Variants in DCHS1 observed in about 807,000 individuals in gnomAD.
DCHS1 encodes dachsous cadherin-related 1, also known as protocadherin-16.
DCHS1 carries 78 observed loss-of-function variants against 213.9 expected under a neutral mutation model. That is an observed-to-expected ratio of 0.36 (90% confidence interval 0.30 to 0.44). The LOEUF (loss-of-function observed/expected upper bound fraction) is 0.44. Ranked by LOEUF, DCHS1 falls within the 20% of genes least tolerant of loss-of-function variation. DCHS1 has a pLI of 1.00. For missense variants in DCHS1, 3,946 were observed against 4,395.9 expected (o/e 0.90, Z 2.89); for synonymous variants, 1,828 against 1,873.7 (o/e 0.98, Z 0.63).
At chr11:6,636,408 C>T (rs1333197017) in intron 2 of DCHS1, among the ~76,000 whole-genome samples, 1 of 152,092 alleles carries the variant, frequency 6.6e-6, no homozygotes, top group Non-Finnish European at 1.5e-5. Flanking sequence ...CAGTGTTTCA[C>T]TATGTTGCCC....
rs578238161 is a variant in DCHS1 at position 6,636,424 on chromosome 11, G to A, written c.1798-2118C>T. Among the ~76,000 whole-genome samples the A allele has an allele frequency of 2.0e-5, 3 of 152,108 alleles. No homozygotes were observed. The South Asian group carries it at 6.2e-4, about 32-fold the overall frequency. On this transcript the variant is annotated intron_variant, in intron 2 of 20. Coordinates refer to ENST00000299441, the MANE Select transcript of DCHS1 (RefSeq NM_003737.4). ...AGTGTTTCACTATGTTGCCCAGGCTGGTCTCAAACTCCTGGCCTCAACCAG... is the reference window on the plus strand; with the variant it reads ...AGTGTTTCACTATGTTGCCCAGGCTAGTCTCAAACTCCTGGCCTCAACCAG...
Position 6,630,757 on chromosome 11 carries a change from C to T in DCHS1, c.4037G>A (p.Arg1346Gln). The T allele has an allele frequency of 1.3e-6, 2 of 1,546,260 alleles. No individual in the cohort carries two copies. The highest frequency in any genetic ancestry group is 8.7e-7 in the Non-Finnish European group (1 of 1,147,346). ...CACCGAGCCCAACAGAGAGCCGGGC[C>T]GCAGTCCCTCAGCTGCTGTCACCGT... ...VLTVTAAEGL[R>Q]PGSLLGSVAA... Residue 1346 changes from arginine to glutamine, a missense_variant, in exon 10 of 21, where the codon CGG (arginine) becomes CAG (glutamine). This residue lies in a region of DCHS1 where 3,384 missense variants were observed against 3,780.1 expected (regional missense o/e 0.90). Coordinates refer to ENST00000299441, the MANE Select transcript of DCHS1 (RefSeq NM_003737.4).
At chr11:6,636,904 T>G (rs578226122) in intron 2 of DCHS1, among the ~76,000 whole-genome samples, 8 of 152,326 alleles carry the variant, frequency 5.3e-5, no homozygotes, top group African/African-American at 1.9e-4. Context: ...CACCTCCACC[T>G]GGATGTCCCA....
At chr11:6,642,063 A>G (rs748394319) in intron 1 of DCHS1, among the ~76,000 whole-genome samples, 53 of 152,168 alleles carry the variant, frequency 3.5e-4, no homozygotes, top group Admixed American at 8.5e-4. Flanking sequence ...ATCCAGAACT[A>G]ATACTCGCTT....
chr11:6,641,014 A>C lies in DCHS1; in HGVS notation c.600T>G (p.Asp200Glu). The change falls in exon 2 of 21, where the codon GAT becomes GAG. Residue 200 changes from aspartate (D) to glutamate (E), a missense_variant. Physicochemically the swap from Asp to Glu is conservative, Grantham distance 45 (BLOSUM62 2). This residue lies in a region of DCHS1 where 3,384 missense variants were observed against 3,780.1 expected (regional missense o/e 0.90). Coordinates refer to ENST00000299441, the MANE Select transcript of DCHS1 (RefSeq NM_003737.4). The surrounding 1 kb of genome is among the most constrained non-coding windows in gnomAD (Gnocchi z 7.1). ...CTACCAGCTCAGGTACTGGAGTCCC[A>C]TCTGGACCGGGGCGTGTCTCCAGCC... ...TFRLETRPGPDGTPVPELVVT... is the reference protein window; with the variant it reads ...TFRLETRPGPEGTPVPELVVT... 6.2e-7 allele frequency: 1 copy of C among 1,613,980 alleles called. No individual in the cohort carries two copies. Among genetic ancestry groups the C allele is most frequent in the Non-Finnish European group, 8.5e-7 (1 of 1,179,882 alleles).
Position 6,624,873 on chromosome 11 carries a change from A to T in DCHS1, c.7147-5T>A. 1 of 1,613,716 alleles carries T rather than the reference A, an allele frequency of 6.2e-7. No individual in the cohort carries two copies. Among genetic ancestry groups the T allele is most frequent in the Non-Finnish European group, 8.5e-7 (1 of 1,179,802 alleles). ...TGTGTGCTCAAGCAGCATTACCTGA[A>T]GTGTGAGGAAAAGTGCTTATTGCCA... is the stretch of plus-strand genomic sequence containing the variant. On this transcript the variant is annotated splice_polypyrimidine_tract_variant and splice_region_variant and intron_variant, in intron 19 of 20. Transcript: ENST00000299441.
In DCHS1 at chr11:6,627,016, G is replaced by A; in HGVS notation, c.6023C>T (p.Pro2008Leu). ...GTAAGAGTCCACAGTAGTGCCAGGA[G>A]GTGGTGTGCCTGCCAGCCGGTACAG... ...SILYRLAGTP[P>L]PGTTVDSYTG... The change falls in exon 14 of 21, where the codon CCT becomes CTT. Residue 2008 changes from proline to leucine, a missense_variant. Pro to Leu is a moderately conservative substitution (Grantham distance 98). This residue lies in a region of DCHS1 where 3,384 missense variants were observed against 3,780.1 expected (regional missense o/e 0.90). Transcript: ENST00000299441. This position sits in a 1 kb window ranked among gnomAD's most constrained non-coding sequence, Gnocchi z 5.4. 2.5e-6 allele frequency: 4 copies of A among 1,613,632 alleles called. No individual in the cohort carries two copies. Among genetic ancestry groups the A allele is most frequent in the Non-Finnish European group, 3.4e-6 (4 of 1,179,810 alleles).
rs765145527 is a variant in DCHS1 at position 6,625,559 on chromosome 11, C to T, written c.6862+38G>A. The T allele has an allele frequency of 4.3e-6, 7 of 1,613,256 alleles. No individual in the cohort carries two copies. The highest frequency in any genetic ancestry group is 5.9e-6 in the Non-Finnish European group (7 of 1,179,748). On this transcript the variant is annotated intron_variant, in intron 18 of 20. Coordinates refer to ENST00000299441, the MANE Select transcript of DCHS1 (RefSeq NM_003737.4). This position sits in a 1 kb window ranked among gnomAD's most constrained non-coding sequence, Gnocchi z 5.3. ...CTGCAGGGTGGAGAAAAATGTCTCT[C>T]TGCCACCCTTTATGCCACCCACTTT...
Position 6,622,190 on chromosome 11 carries a change from G to C in DCHS1, c.9486C>G (p.Asn3162Lys). Residue 3162 changes from asparagine to lysine, a missense_variant, in exon 21 of 21, where the codon AAC (asparagine) becomes AAG (lysine). Asn to Lys is a moderately conservative substitution (Grantham distance 94). This residue lies in a region of DCHS1 where 554 missense variants were observed against 590.2 expected (regional missense o/e 0.94). Transcript: ENST00000299441. The surrounding 1 kb of genome is among the most constrained non-coding windows in gnomAD (Gnocchi z 5.4). ...GGCACCAGCTCAGCAGGTAGTCCCA[G>C]TTATAGCTGCCACGGAGCTCCTCCT... ...AGEEELRGSYNWDYLLSWCPQ... is the reference protein window; with the variant it reads ...AGEEELRGSYKWDYLLSWCPQ... 6.2e-7 allele frequency: 1 copy of C among 1,607,344 alleles called. No homozygotes were observed. The highest frequency in any genetic ancestry group is 1.7e-4 in the Middle Eastern group (1 of 6,052).
chr11:6,644,511 C>T (rs1856127396), intron 1 of DCHS1, among the ~76,000 whole-genome samples: 1 of 152,240 alleles, frequency 6.6e-6, no homozygotes, highest in Non-Finnish European at 1.5e-5. Context: ...GCCTATTATA[C>T]ACACTACTGG....
Position 6,628,539 on chromosome 11 carries a change from G to T in DCHS1, c.5371+82C>A. The T allele has an allele frequency of 1.3e-6, 2 of 1,493,180 alleles. No individual in the cohort carries two copies. Among genetic ancestry groups the T allele is most frequent in the Non-Finnish European group, 1.9e-6 (2 of 1,073,698 alleles). 92.5% of individuals were successfully genotyped at this position (1,493,180 alleles called of 1,614,324 possible). ...GAGGGAAAAGGAGACCCAGACACAT[G>T]CACTGAGGCTGACAGCAGCCAAGAA... On this transcript the variant is annotated intron_variant, in intron 13 of 20. Coordinates refer to ENST00000299441, the MANE Select transcript of DCHS1 (RefSeq NM_003737.4). This position sits in a 1 kb window ranked among gnomAD's most constrained non-coding sequence, Gnocchi z 4.3.
At position 6,633,587 on chromosome 11, in the gene DCHS1, G is replaced by T; in HGVS notation, c.2280C>A (p.Ile760=). 6.3e-7 allele frequency: 1 copy of T among 1,596,172 alleles called. No individual in the cohort carries two copies. The highest frequency in any genetic ancestry group is 8.5e-7 in the Non-Finnish European group (1 of 1,171,274). Residue 760 remains isoleucine, a synonymous_variant, in exon 5 of 21, where the codon ATC becomes ATA. Coordinates refer to ENST00000299441, the MANE Select transcript of DCHS1 (RefSeq NM_003737.4). The part of the protein sequence containing the change: ...RRANSVVQLE[I]GAEDGGGLQA... ...GTAGGCCACCTCCGTCCTCAGCCCCGATCTCCAGCTGCACCACAGAATTGG... is the reference window on the plus strand; with the variant it reads ...GTAGGCCACCTCCGTCCTCAGCCCCTATCTCCAGCTGCACCACAGAATTGG...
At chr11:6,638,547 C>A (rs1280774142) in intron 2 of DCHS1, among the ~76,000 whole-genome samples, 1 of 152,184 alleles carries the variant, frequency 6.6e-6, no homozygotes, top group Non-Finnish European at 1.5e-5. Context: ...GGCCTGGAGT[C>A]TCCATCTGCA....
At position 6,631,215 on chromosome 11, in the gene DCHS1, G is replaced by A. The variant is rs1288747885; in HGVS notation, c.3773-5C>T. 1.9e-6 allele frequency: 3 copies of A among 1,611,910 alleles called. No individual in the cohort carries two copies. Among genetic ancestry groups the A allele is most frequent in the Non-Finnish European group, 2.5e-6 (3 of 1,178,202 alleles). On this transcript the variant is annotated splice_region_variant and splice_polypyrimidine_tract_variant and intron_variant, in intron 8 of 20. Coordinates refer to ENST00000299441, the MANE Select transcript of DCHS1 (RefSeq NM_003737.4). ...AGAAAAGCTCTGAGCCAGGACCTGGGGACAGGCAGAGGAAGATGAGGGCTT... is the reference window on the plus strand; with the variant it reads ...AGAAAAGCTCTGAGCCAGGACCTGGAGACAGGCAGAGGAAGATGAGGGCTT...
In DCHS1 at chr11:6,626,765, TG is replaced by T; in HGVS notation, c.6250+23del. 6.2e-7 allele frequency: 1 copy of T among 1,609,192 alleles called. No homozygotes were observed. The highest frequency in any genetic ancestry group is 8.5e-7 in the Non-Finnish European group (1 of 1,177,636). ...CCCAGCCCATTTGGGAGTCTGAATC[TG>T]GAAGAAATGGCTGGGGACCCACCTG... On this transcript the variant is annotated intron_variant, in intron 14 of 20. Transcript: ENST00000299441. This position sits in a 1 kb window ranked among gnomAD's most constrained non-coding sequence, Gnocchi z 5.2.
At chr11:6,634,357 CAGAGG>C in intron 2 of DCHS1, 51 bp from the exon 3 acceptor site, 1 of 1,519,390 alleles carries the variant, frequency 6.6e-7, no homozygotes, top group Non-Finnish European at 8.8e-7. Context: ...CCAGAAAAGC[CAGAGG>C]TAGGTGGCCA....
chr11:6,625,007 G>A lies in DCHS1; in HGVS notation c.7147-139C>T, dbSNP rs1855770522. ...AGCCCCTACTCCTAAGTATTCGAAT[G>A]GGAAATGCCCACCTTCTCCCCTTTC... is the stretch of plus-strand genomic sequence containing the variant. On this transcript the variant is annotated intron_variant, in intron 19 of 20. Coordinates refer to ENST00000299441, the MANE Select transcript of DCHS1 (RefSeq NM_003737.4). The surrounding 1 kb of genome is among the most constrained non-coding windows in gnomAD (Gnocchi z 5.3). 16 of 1,408,540 alleles carry A rather than the reference G, an allele frequency of 1.1e-5. No individual in the cohort carries two copies. The South Asian group carries it at 1.8e-4, about 16-fold the overall frequency. 87.3% of individuals were successfully genotyped at this position (1,408,540 alleles called of 1,614,324 possible). A position where few individuals can be genotyped will look rare whatever the true frequency, so the allele number is the denominator to read the frequency against.
chr11:6,623,799 G>C lies in DCHS1; in HGVS notation c.7877C>G (p.Ala2626Gly), dbSNP rs1855746370. ...PVGAELLHVE[A>G]SDADPGPHGL... The stretch of plus-strand genomic sequence containing the variant: ...ATGAGGGCCAGGGTCAGCGTCAGAG[G>C]CCTCTACATGCAGCAGCTCAGCTCC... Residue 2626 changes from alanine to glycine, a missense_variant, in exon 21 of 21, where the codon GCC (alanine) becomes GGC (glycine). Transcript: ENST00000299441. The C allele has an allele frequency of 6.2e-7, 1 of 1,613,828 alleles. No homozygotes were observed. The highest frequency in any genetic ancestry group is 8.5e-7 in the Non-Finnish European group (1 of 1,179,852).
chr11:6,625,690 G>A lies in DCHS1; in HGVS notation c.6769C>T (p.Leu2257=). The A allele has an allele frequency of 6.2e-7, 1 of 1,611,584 alleles. No homozygotes were observed. Among genetic ancestry groups the A allele is most frequent in the South Asian group, 1.1e-5 (1 of 90,856 alleles). ...ACCGTCAAGGTAGCTGAGCCCACCA[G>A]GGCTGGGCTCCCTCTGTCTGTGGCC... The part of the protein sequence containing the change: ...LMATDRGSPA[L]VGSATLTVMV... The change falls in exon 18 of 21, where the codon CTG becomes TTG. Residue 2257 remains leucine, a synonymous_variant. Transcript: ENST00000299441. This position sits in a 1 kb window ranked among gnomAD's most constrained non-coding sequence, Gnocchi z 5.3.
Sources: gnomAD v4.1 joint callset for allele counts (sites outside exome capture counted in the v4.1 genomes callset) on GRCh38, gnomAD v4.1.1 for gene constraint, gnomAD v4.1.1 regional missense constraint, Gnocchi (gnomAD v3.1) non-coding constraint, MANE v1.5 for transcripts, NCBI Gene and HGNC (gene_info 2026-07-23, HGNC 2026-07-21) for gene names.